BTG4: variants seen among roughly 807,000 people sequenced by gnomAD.
The protein encoded by BTG4 is protein BTG4.
Under a neutral mutation model 19.3 loss-of-function variants are expected in BTG4, and 10 were observed. The observed-to-expected ratio is 0.52, with a 90% CI of 0.32 to 0.88. BTG4 has a LOEUF of 0.88. Among genes scored for constraint, BTG4 ranks in the 40% least tolerant of loss-of-function variants. The pLI is 0.04. For synonymous variants in BTG4, 91 were observed against 95.7 expected (o/e 0.95, Z 0.29); for missense variants, 238 against 281.9 (o/e 0.84, Z 1.11).
chr11:111,455,513 G>T, the BTG4 span: 1 of 243,862 alleles, frequency 4.1e-6, no homozygotes, highest in Non-Finnish European at 8.5e-6. Context: ...GGAGGCAGGA[G>T]CAGTGGGCCT....
At chr11:111,395,980 T>C in the BTG4 span, among the ~76,000 whole-genome samples, 1 of 152,234 alleles carries the variant, frequency 6.6e-6, no homozygotes, top group African/African-American at 2.4e-5. Context: ...CATGCCTGCC[T>C]TCTCCAAGCC....
intron 1 of BTG4, among the ~76,000 whole-genome samples, chr11:111,504,453 C>T (rs1160904217): frequency 2.6e-5 from 4 of 151,980 alleles, no homozygotes; most frequent in East Asian, 1.9e-4. Context: ...GTGTTTTATC[C>T]GCCACAAGCT....
the BTG4 span, among the ~76,000 whole-genome samples, chr11:111,423,122 A>G: frequency 6.6e-5 from 10 of 151,670 alleles, no homozygotes; most frequent in African/African-American, 2.4e-4. Context: ...CCTGTTGGCC[A>G]CTCCTAAGCC....
At chr11:111,424,291 T>C in the BTG4 span, among the ~76,000 whole-genome samples, 2 of 152,206 alleles carry the variant, frequency 1.3e-5, no homozygotes, top group Non-Finnish European at 2.9e-5. Context: ...GCAAGGAAAC[T>C]AGCCTGGGCT....
At chr11:111,404,376 C>A in the BTG4 span, among the ~76,000 whole-genome samples, 1 of 152,138 alleles carries the variant, frequency 6.6e-6, no homozygotes, top group Admixed American at 6.5e-5. Flanking sequence ...GCAACTTACC[C>A]AATGTCATCC....
the BTG4 span, among the ~76,000 whole-genome samples, chr11:111,452,942 G>A: frequency 3.9e-5 from 6 of 152,156 alleles, no homozygotes; most frequent in South Asian, 2.1e-4. Flanking sequence ...GAGGGGGTAC[G>A]CAGTGGGGAG....
At chr11:111,468,340 T>A (rs1478362738) in intron 5 of BTG4, among the ~76,000 whole-genome samples, 1 of 152,258 alleles carries the variant, frequency 6.6e-6, no homozygotes, top group Non-Finnish European at 1.5e-5. Flanking sequence ...CCAGGTGCCT[T>A]ACAGGCATGG....
the BTG4 span, chr11:111,417,052 C>G: frequency 6.6e-6 from 1 of 152,186 alleles, no homozygotes; most frequent in African/African-American, 2.4e-5. Flanking sequence ...GAGGGACTCA[C>G]GCCCCAGTGC....
intron 5 of BTG4, among the ~76,000 whole-genome samples, chr11:111,471,486 A>AT (rs904322087): frequency 5.9e-5 from 9 of 151,806 alleles, no homozygotes; most frequent in Non-Finnish European, 8.8e-5. Context: ...TCCTTGACAT[A>AT]TTTTTTTCAT....
In BTG4 at chr11:111,498,158, C is replaced by T. The variant is rs1433139324; in HGVS notation, c.174-23G>A. 5.6e-6 allele frequency: 9 copies of T among 1,612,190 alleles called. 1 individual carries two copies. The highest frequency in any genetic ancestry group is 3.3e-5 in the Admixed American group (2 of 59,970). On this transcript the variant is annotated intron_variant, in intron 2 of 4. Coordinates refer to ENST00000692032, the MANE Select transcript of BTG4 (RefSeq NM_001367975.1). The stretch of plus-strand genomic sequence containing the variant: ...CACCTTTTTAAAAAGCGAAGGGAAA[C>T]GAAGACATGATGACAGACACTTTAG...
At chr11:111,424,746 T>G in the BTG4 span, among the ~76,000 whole-genome samples, 1 of 152,016 alleles carries the variant, frequency 6.6e-6, no homozygotes, top group Non-Finnish European at 1.5e-5. Context: ...TCACCTGAGG[T>G]CAAGAGTTCG....
At chr11:111,417,780 A>G in the BTG4 span, 6 of 151,860 alleles carry the variant, frequency 4.0e-5, no homozygotes, top group African/African-American at 1.5e-4. Context: ...GCGTTCTCTC[A>G]CTCACGCTCT....
the BTG4 span, among the ~76,000 whole-genome samples, chr11:111,436,744 C>T: frequency 6.6e-6 from 1 of 152,244 alleles, no homozygotes; most frequent in African/African-American, 2.4e-5. Flanking sequence ...GGCGGCTAGC[C>T]CAGCCCCTCC....
chr11:111,496,104 G>A (rs1167481130), intron 4 of BTG4, among the ~76,000 whole-genome samples: 1 of 152,160 alleles, frequency 6.6e-6, no homozygotes, highest in Non-Finnish European at 1.5e-5. Context: ...GGCTGAATAA[G>A]AGAAAATTTG....
the BTG4 span, among the ~76,000 whole-genome samples, chr11:111,429,367 A>G: frequency 2.0e-5 from 3 of 152,218 alleles, no homozygotes; most frequent in African/African-American, 7.2e-5. Flanking sequence ...CTCAAATTTT[A>G]CACATGAGGA....
chr11:111,385,851 G>A, the BTG4 span: 2 of 152,288 alleles, frequency 1.3e-5, no homozygotes, highest in African/African-American at 4.8e-5. Context: ...TAGGGAAATT[G>A]TAAACAAATT....
At chr11:111,455,596 C>T in the BTG4 span, 1 of 285,680 alleles carries the variant, frequency 3.5e-6, no homozygotes, top group East Asian at 8.4e-5. Flanking sequence ...GAGAAATCCT[C>T]TCCGGCTGGG....
chr11:111,456,656 C>T, the BTG4 span: 1 of 416,824 alleles, frequency 2.4e-6, no homozygotes, highest in Non-Finnish European at 5.0e-6. The surrounding 1 kb of genome is among the most constrained non-coding windows in gnomAD (Gnocchi z 4.2). Context: ...CACCCTGACA[C>T]TGGGAGGGTG....
the BTG4 span, among the ~76,000 whole-genome samples, chr11:111,389,990 G>A: frequency 6.6e-6 from 1 of 152,174 alleles, no homozygotes; most frequent in African/African-American, 2.4e-5. Flanking sequence ...ACACATATTA[G>A]TTCATTTAAT....
Sources: gnomAD v4.1 joint callset for allele counts (sites outside exome capture counted in the v4.1 genomes callset) on GRCh38, gnomAD v4.1.1 for gene constraint, Gnocchi (gnomAD v3.1) non-coding constraint, MANE v1.5 for transcripts, NCBI Gene and HGNC (gene_info 2026-07-23, HGNC 2026-07-21) for gene names.